Variants in ANGPTL5 observed in about 807,000 individuals in gnomAD.
ANGPTL5 encodes the protein angiopoietin like 5, also known as angiopoietin-related protein 5.
A neutral mutation model predicts 39.4 loss-of-function variants in ANGPTL5; 34 were observed. That is an observed-to-expected ratio of 0.86 (90% CI 0.66 to 1.15). The LOEUF is 1.15. ANGPTL5 is among the 50% of genes most tolerant of loss of function. The probability of loss-of-function intolerance (pLI) is 0.00; values close to 1 mark genes in which losing one functional copy is unlikely to be tolerated. For synonymous variants in ANGPTL5, 146 were observed against 152.1 expected (o/e 0.96, Z 0.29); for missense variants, 467 against 457.5 (o/e 1.02, Z -0.19).
intron 7 of ANGPTL5, among the ~76,000 whole-genome samples, chr11:101,898,218 C>G (rs530992086): frequency 1.9e-3 from 291 of 151,780 alleles, no homozygotes; most frequent in African/African-American, 6.7e-3. Flanking sequence ...AGTGAAACTT[C>G]GTCTCAAAAA....
At chr11:101,914,687 A>C (rs981788401) in intron 1 of ANGPTL5, among the ~76,000 whole-genome samples, 2 of 152,168 alleles carry the variant, frequency 1.3e-5, no homozygotes, top group Admixed American at 6.5e-5. Flanking sequence ...GTAGTTTAAC[A>C]AATTCAACTC....
chr11:101,905,747 A>C lies in ANGPTL5; in HGVS notation c.342T>G (p.Asn114Lys). Residue 114 changes from asparagine to lysine, a missense_variant, in exon 4 of 9, where the codon AAT becomes AAG. Asn to Lys is a moderately conservative substitution (Grantham distance 94). Transcript: ENST00000334289. The part of the protein sequence containing the change: ...EQQASLDYLS[N>K]QVNELMNRVL... ...CACAATACTAAAACATCTATACCTG[A>C]TTAGATAAATAATCCAAGGAAGCTT... 1 of 1,587,896 alleles carries C rather than the reference A, an allele frequency of 6.3e-7. No individual in the cohort carries two copies. The highest frequency in any genetic ancestry group is 8.6e-7 in the Non-Finnish European group (1 of 1,156,956).
chr11:101,900,871 A>T, intron 6 of ANGPTL5, among the ~76,000 whole-genome samples: 1 of 150,436 alleles, frequency 6.6e-6, no homozygotes. Flanking sequence ...TTTTTTTTTG[A>T]GACAGAATCT....
intron 1 of ANGPTL5, among the ~76,000 whole-genome samples, chr11:101,909,142 G>A (rs1306286724): frequency 1.3e-5 from 2 of 152,118 alleles, no homozygotes; most frequent in African/African-American, 4.8e-5. Context: ...ATACACAAGA[G>A]GCACTCAAAT....
intron 3 of ANGPTL5, among the ~76,000 whole-genome samples, chr11:101,906,813 T>C (rs113690154): frequency 4.8e-4 from 73 of 152,268 alleles, no homozygotes; most frequent in African/African-American, 1.5e-3. Flanking sequence ...TCTATTAGCT[T>C]TTTCCTGAAT....
rs192824916 is a variant in ANGPTL5 at position 101,901,937 on chromosome 11, A to C, written c.540+684T>G. ...CCAGGAAAATATATATATAATATAT[A>C]TAACTGTATGTGTGTGTGCGTGTGT... On this transcript the variant is annotated intron_variant, in intron 6 of 8. Transcript: ENST00000334289. 4.6e-4 allele frequency among the ~76,000 whole-genome samples: 70 copies of C among 151,980 alleles called. 2 individuals are homozygous for C. The East Asian group carries it at 0.013, about 28-fold the overall frequency.
At chr11:101,904,679 G>A (rs1257836293) in intron 5 of ANGPTL5, 135 bp downstream of exon 5, 1 of 746,998 alleles carries the variant, frequency 1.3e-6, no homozygotes, top group Non-Finnish European at 2.3e-6. Flanking sequence ...TTAATAGCAG[G>A]TATTAGCCCT....
chr11:101,914,371 A>G (rs558005733), intron 1 of ANGPTL5, among the ~76,000 whole-genome samples: 1 of 152,262 alleles, frequency 6.6e-6, no homozygotes, highest in African/African-American at 2.4e-5. Context: ...ACTTCCCAAA[A>G]CCATTTCAAT....
At chr11:101,911,783 C>A (rs1263474305) in intron 1 of ANGPTL5, among the ~76,000 whole-genome samples, 1 of 152,128 alleles carries the variant, frequency 6.6e-6, no homozygotes, top group Non-Finnish European at 1.5e-5. Flanking sequence ...TATAGCAGTG[C>A]GAGAACTGCC....
At chr11:101,904,261 T>C (rs7102697) in intron 5 of ANGPTL5, among the ~76,000 whole-genome samples, 3,345 of 152,278 alleles carry the variant, frequency 0.022, 111 homozygotes, top group African/African-American at 0.075. Flanking sequence ...TAATATTTAT[T>C]TGCTTTAAAC....
Position 101,891,229 on chromosome 11 carries a change from A to G in ANGPTL5, c.*50T>C. The stretch of plus-strand genomic sequence containing the variant: ...TAAGTGAAAAGATAAACTTTTAAAA[A>G]TCTTTAATATATTATCATTGTAGAA... On this transcript the variant is annotated 3_prime_UTR_variant, in exon 9 of 9. Coordinates refer to ENST00000334289, the MANE Select transcript of ANGPTL5 (RefSeq NM_178127.5). 1 of 1,502,322 alleles carries G rather than the reference A, an allele frequency of 6.7e-7. No homozygotes were observed. Among genetic ancestry groups the G allele is most frequent in the Non-Finnish European group, 9.1e-7 (1 of 1,103,332 alleles). 93.1% of individuals were successfully genotyped at this position (1,502,322 alleles called of 1,614,324 possible).
chr11:101,903,883 A>AT (rs1470911250), intron 5 of ANGPTL5, among the ~76,000 whole-genome samples: 3 of 112,202 alleles, frequency 2.7e-5, no homozygotes, highest in Non-Finnish European at 4.0e-5. Context: ...TGATTCGGGC[A>AT]TTTTTTTTAT....
chr11:101,904,878 A>C lies in ANGPTL5; in HGVS notation c.375T>G (p.Leu125=). 4.3e-6 allele frequency: 7 copies of C among 1,613,588 alleles called. No individual in the cohort carries two copies. Among genetic ancestry groups the C allele is most frequent in the Non-Finnish European group, 5.9e-6 (7 of 1,179,572 alleles). The change falls in exon 5 of 9, where the codon CTT becomes CTG. Residue 125 remains leucine (L), a synonymous_variant. Coordinates refer to ENST00000334289, the MANE Select transcript of ANGPTL5 (RefSeq NM_178127.5). The part of the protein sequence containing the change: ...QVNELMNRVL[L]LTTEVFRKQL... The stretch of plus-strand genomic sequence containing the variant: ...GTTTTCTAAAAACTTCTGTAGTCAA[A>C]AGGAGAACTCTATTCATGAGCTCGT...
chr11:101,905,713 C>A (rs1939987510), intron 4 of ANGPTL5, 31 bp downstream of exon 4: 1 of 1,418,540 alleles, frequency 7.0e-7, no homozygotes, highest in Non-Finnish European at 9.9e-7. Context: ...CGTGTACATG[C>A]AATAACAACA....
At chr11:101,899,537 T>C (rs774904401) in intron 7 of ANGPTL5, among the ~76,000 whole-genome samples, 9 of 152,240 alleles carry the variant, frequency 5.9e-5, no homozygotes, top group Non-Finnish European at 1.3e-4. Flanking sequence ...TGGCAAAGCC[T>C]GCATATGGAT....
At position 101,907,867 on chromosome 11, in the gene ANGPTL5, A is replaced by G; in HGVS notation, c.43T>C (p.Cys15Arg). The G allele has an allele frequency of 6.2e-7, 1 of 1,611,082 alleles. No homozygotes were observed. Among genetic ancestry groups the G allele is most frequent in the South Asian group, 1.1e-5 (1 of 91,016 alleles). ...SQASLLFLNV[C>R]IFICGEAVQG... ...ACAGCTTCTCCACAAATAAAAATAC[A>G]TACATTTAAGAATAAGAGTGAGGCT... Residue 15 changes from cysteine (C) to arginine (R), a missense_variant, in exon 2 of 9, where the codon TGT becomes CGT. Coordinates refer to ENST00000334289, the MANE Select transcript of ANGPTL5 (RefSeq NM_178127.5).
chr11:101,893,567 C>T (rs189886103), intron 8 of ANGPTL5, among the ~76,000 whole-genome samples: 2 of 152,140 alleles, frequency 1.3e-5, no homozygotes, highest in East Asian at 1.9e-4. Context: ...ACTTTTGTAA[C>T]GAAAAAACTT....
chr11:101,915,210 C>CAGG, intron 1 of ANGPTL5: 8 of 1,588,236 alleles, frequency 5.0e-6, no homozygotes, highest in Non-Finnish European at 6.9e-6. Context: ...AGGGGCCGAG[C>CAGG]AGGAGGAGGA....
At chr11:101,892,193 C>G (rs1231153487) in intron 8 of ANGPTL5, among the ~76,000 whole-genome samples, 1 of 151,956 alleles carries the variant, frequency 6.6e-6, no homozygotes, top group Non-Finnish European at 1.5e-5. Context: ...AAGACAATAC[C>G]GTTTTTAAAG....
Sources: gnomAD v4.1 joint callset for allele counts (sites outside exome capture counted in the v4.1 genomes callset) on GRCh38, gnomAD v4.1.1 for gene constraint, MANE v1.5 for transcripts, NCBI Gene and HGNC (gene_info 2026-07-23, HGNC 2026-07-21) for gene names.